Variants in CSMD2 observed in about 807,000 individuals in gnomAD.
CSMD2 encodes the protein CUB and Sushi multiple domains 2, also known as CUB and sushi domain-containing protein 2.
Under a neutral mutation model 398.5 loss-of-function variants are expected in CSMD2, and 130 were observed. That is an observed-to-expected ratio of 0.33 (90% CI 0.28 to 0.38). The LOEUF is 0.38. Ranked by LOEUF, CSMD2 falls within the 10% of genes least tolerant of loss-of-function variation. CSMD2 has a pLI of 1.00. For synonymous variants in CSMD2, 1,828 were observed against 1,908.5 expected (o/e 0.96, Z 1.10); for missense variants, 3,829 against 4,764.9 (o/e 0.80, Z 5.78).
chr1:33,569,667 G>T, intron 51 of CSMD2, 120 bp from the exon 52 acceptor site: 1 of 1,001,744 alleles, frequency 1.0e-6, no homozygotes, highest in Non-Finnish European at 1.5e-6. Flanking sequence ...TGGAATTCCT[G>T]ACCAGAATAT....
intron 2 of CSMD2, among the ~76,000 whole-genome samples, chr1:34,065,719 G>T (rs995871404): frequency 3.9e-5 from 6 of 152,228 alleles, no homozygotes; most frequent in African/African-American, 1.4e-4. Context: ...CCAGGACACA[G>T]TAAATGCTCA....
At chr1:33,590,294 A>ATTTTTTTTTTTTTT (rs56252015) in intron 44 of CSMD2, among the ~76,000 whole-genome samples, 3 of 73,862 alleles carry the variant, frequency 4.1e-5, no homozygotes, top group African/African-American at 5.7e-5. Context: ...GCTAATTAAA[A>ATTTTTTTTTTTTTT]TTTTTTTTTT....
At chr1:33,819,019 C>G (rs1657791816) in intron 9 of CSMD2, among the ~76,000 whole-genome samples, 1 of 152,208 alleles carries the variant, frequency 6.6e-6, no homozygotes, top group Non-Finnish European at 1.5e-5. Context: ...TACCTAACAG[C>G]CTAGTGCACA....
intron 1 of CSMD2, among the ~76,000 whole-genome samples, chr1:34,092,433 G>T (rs565316314): frequency 6.6e-6 from 1 of 152,162 alleles, no homozygotes; most frequent in Admixed American, 6.5e-5. Context: ...AACAGCTCCC[G>T]TCCACAGCTC....
chr1:33,848,123 G>C (rs1570252494), intron 5 of CSMD2, among the ~76,000 whole-genome samples: 1 of 152,086 alleles, frequency 6.6e-6, no homozygotes, highest in Non-Finnish European at 1.5e-5. Context: ...TATCCTATGT[G>C]AAACAGTCAT....
chr1:33,668,164 T>G (rs774694644), intron 25 of CSMD2, among the ~76,000 whole-genome samples: 1 of 151,910 alleles, frequency 6.6e-6, no homozygotes, highest in Non-Finnish European at 1.5e-5. Flanking sequence ...AAGGTCACAA[T>G]GGAAAGGCCA....
chr1:33,930,351 C>T (rs1212161099), intron 4 of CSMD2, among the ~76,000 whole-genome samples: 4 of 152,204 alleles, frequency 2.6e-5, no homozygotes, highest in African/African-American at 4.8e-5. Context: ...CCAGGCCAGT[C>T]TGACTCTATG....
chr1:33,676,412 G>A (rs887591615), intron 25 of CSMD2, among the ~76,000 whole-genome samples: 2 of 152,130 alleles, frequency 1.3e-5, no homozygotes, highest in Non-Finnish European at 2.9e-5. Context: ...GGGATGTGAA[G>A]GACCTCTTCA....
intron 3 of CSMD2, among the ~76,000 whole-genome samples, chr1:33,990,068 C>T (rs562176403): frequency 8.5e-5 from 13 of 152,080 alleles, no homozygotes; most frequent in Admixed American, 2.6e-4. Flanking sequence ...GTCCGGCATT[C>T]GAGACCAGCC....
intron 5 of CSMD2, among the ~76,000 whole-genome samples, chr1:33,859,840 G>A (rs1639359755): frequency 6.6e-6 from 1 of 152,198 alleles, no homozygotes; most frequent in Non-Finnish European, 1.5e-5. Context: ...GATATGCTAA[G>A]AGCATATGCT....
chr1:33,532,411 C>G (rs1655324362), intron 64 of CSMD2, among the ~76,000 whole-genome samples: 1 of 152,204 alleles, frequency 6.6e-6, no homozygotes, highest in East Asian at 1.9e-4. Context: ...TTAATCCTTT[C>G]CCTCAAGACT....
chr1:33,772,486 G>C, intron 13 of CSMD2, 83 bp downstream of exon 13: 2 of 1,351,478 alleles, frequency 1.5e-6, no homozygotes, highest in Non-Finnish European at 2.1e-6. Flanking sequence ...AGGTTCCCAG[G>C]GACGGGGCCC....
At chr1:34,123,932 C>T (rs1662479531) in intron 1 of CSMD2, among the ~76,000 whole-genome samples, 1 of 152,118 alleles carries the variant, frequency 6.6e-6, no homozygotes, top group Admixed American at 6.5e-5. Context: ...CAGCTTAGGT[C>T]CAGAACCCAT....
At chr1:34,138,866 G>T (rs1299783291) in intron 1 of CSMD2, among the ~76,000 whole-genome samples, 1 of 152,094 alleles carries the variant, frequency 6.6e-6, no homozygotes, top group African/African-American at 2.4e-5. Context: ...AACCTTGCAT[G>T]AATGCATAAA....
At position 33,646,749 on chromosome 1, in the gene CSMD2, G is replaced by T. The variant is rs773595321; in HGVS notation, c.4673C>A (p.Ser1558Tyr). The change falls in exon 29 of 71, where the codon TCC becomes TAC. Residue 1558 changes from serine (S) to tyrosine (Y), a missense_variant. By Grantham distance (144) the Ser-to-Tyr change is moderately radical. Coordinates refer to ENST00000373381, the MANE Select transcript of CSMD2 (RefSeq NM_001281956.2). Reference sequence around the variant, plus strand: ...GCTTTCAATGCGGCCTGGGAGCTGGGAGCCATAGAAGCTTCCTATGAGAGG... The same window carrying T: ...GCTTTCAATGCGGCCTGGGAGCTGGTAGCCATAGAAGCTTCCTATGAGAGG... ...LSPLIGSFYG[S>Y]QLPGRIESSS... 3 of 1,614,170 alleles carry T rather than the reference G, an allele frequency of 1.9e-6. No individual in the cohort carries two copies. Among genetic ancestry groups the T allele is most frequent in the Non-Finnish European group, 2.5e-6 (3 of 1,179,998 alleles).
At chr1:33,944,453 G>A (rs1340545526) in intron 3 of CSMD2, among the ~76,000 whole-genome samples, 1 of 152,170 alleles carries the variant, frequency 6.6e-6, no homozygotes, top group Non-Finnish European at 1.5e-5. Context: ...GGTGGGCATT[G>A]TGCTGACTGC....
At position 33,635,322 on chromosome 1, in the gene CSMD2, C is replaced by T; in HGVS notation, c.4978G>A (p.Gly1660Arg). ...NPRPVCTAPC[G>R]GQYVGSDGVV... ...CCGTCCGAACCCACATACTGTCCCC[C>T]ACAGGGGGCTGAAAGAGAAACCAGA... is the stretch of plus-strand genomic sequence containing the variant. The change falls in exon 31 of 71, where the codon GGG (glycine) becomes AGG (arginine). Residue 1660 changes from glycine (G) to arginine (R), a missense_variant. This residue lies in a region of CSMD2 where 2,001 missense variants were observed against 2,567.1 expected (regional missense o/e 0.78). Coordinates refer to ENST00000373381, the MANE Select transcript of CSMD2 (RefSeq NM_001281956.2). The surrounding 1 kb of genome is among the most constrained non-coding windows in gnomAD (Gnocchi z 5.0). 1 of 1,604,530 alleles carries T rather than the reference C, an allele frequency of 6.2e-7. No individual in the cohort carries two copies. The highest frequency in any genetic ancestry group is 8.5e-7 in the Non-Finnish European group (1 of 1,172,062).
chr1:33,675,144 C>A (rs948544976), intron 25 of CSMD2, among the ~76,000 whole-genome samples: 4 of 152,050 alleles, frequency 2.6e-5, no homozygotes, highest in Non-Finnish European at 5.9e-5. Context: ...CACAAAAAAC[C>A]CTTCAAAAAA....
chr1:33,735,353 G>T (rs951537921), intron 15 of CSMD2, among the ~76,000 whole-genome samples: 1 of 152,192 alleles, frequency 6.6e-6, no homozygotes, highest in Non-Finnish European at 1.5e-5. Context: ...TCCTAGTGGG[G>T]TATGATTATT....
Sources: allele counts gnomAD v4.1 joint callset (sites outside exome capture counted in the v4.1 genomes callset), GRCh38; gene constraint gnomAD v4.1.1; regional missense constraint gnomAD v4.1.1; non-coding constraint Gnocchi (gnomAD v3.1); transcripts MANE v1.5; gene names NCBI Gene and HGNC (gene_info 2026-07-23, HGNC 2026-07-21).